RIMS2: variants seen among roughly 807,000 people sequenced by gnomAD.
The protein encoded by RIMS2 is regulating synaptic membrane exocytosis 2.
In RIMS2, 59 loss-of-function variants were observed where a neutral mutation model predicts 174.4. That is an observed-to-expected ratio of 0.34 (90% confidence interval 0.27 to 0.42). RIMS2 has a LOEUF of 0.42. RIMS2 is among the 10% of genes least tolerant of loss of function. RIMS2 has a pLI of 1.00. For synonymous variants in RIMS2, 606 were observed against 572.5 expected (o/e 1.06, Z -0.84); for missense variants, 1,620 against 1,666.3 (o/e 0.97, Z 0.48).
At chr8:104,128,865 A>G (rs549110153) in intron 19 of RIMS2, among the ~76,000 whole-genome samples, 6 of 152,314 alleles carry the variant, frequency 3.9e-5, no homozygotes, top group African/African-American at 1.4e-4. Flanking sequence ...GTGGCTAAAT[A>G]TATTTTACAT....
intron 3 of RIMS2, among the ~76,000 whole-genome samples, chr8:103,826,536 T>C (rs1369131259): frequency 6.6e-6 from 1 of 151,988 alleles, no homozygotes; most frequent in African/African-American, 2.4e-5. Context: ...GAAAATTGAA[T>C]AGTTGTATAA....
intron 19 of RIMS2, among the ~76,000 whole-genome samples, chr8:104,061,666 A>C (rs899732177): frequency 4.7e-5 from 7 of 150,438 alleles, no homozygotes; most frequent in African/African-American, 1.7e-4. Context: ...GTTCTAAGCT[A>C]TGCTACTATT....
intron 19 of RIMS2, among the ~76,000 whole-genome samples, chr8:104,080,766 G>C (rs2097402240): frequency 6.6e-6 from 1 of 151,944 alleles, no homozygotes; most frequent in South Asian, 2.1e-4. Context: ...TAGTTGGAAG[G>C]ATTACAGATA....
At chr8:104,060,976 A>T (rs929278902) in intron 19 of RIMS2, among the ~76,000 whole-genome samples, 5 of 151,748 alleles carry the variant, frequency 3.3e-5, no homozygotes, top group South Asian at 2.1e-4. Context: ...TGCTGAGGAG[A>T]GCTTTACTTC....
intron 1 of RIMS2, among the ~76,000 whole-genome samples, chr8:103,604,212 C>T (rs1167525900): frequency 1.3e-5 from 2 of 151,182 alleles, no homozygotes; most frequent in Non-Finnish European, 3.0e-5. Flanking sequence ...CAGCTTTCTA[C>T]ATATGGCTAG....
chr8:103,612,240 CTCTG>C (rs1416277434), intron 1 of RIMS2, among the ~76,000 whole-genome samples: 2 of 152,198 alleles, frequency 1.3e-5, no homozygotes, highest in African/African-American at 4.8e-5. Flanking sequence ...ATATTGAATT[CTCTG>C]TCTGACAGGT....
chr8:103,624,241 A>G (rs1406702067), intron 1 of RIMS2, among the ~76,000 whole-genome samples: 3 of 152,198 alleles, frequency 2.0e-5, no homozygotes, highest in East Asian at 1.9e-4. Flanking sequence ...TGCCCTGCCA[A>G]TGTGTGTTGC....
exon 4 of RIMS2, chr8:103,885,818 C>A (rs1189692357): frequency 6.2e-7 from 1 of 1,612,736 alleles, no homozygotes; most frequent in Non-Finnish European, 8.5e-7. Flanking sequence ...CATGGAAAAT[C>A]AGCGATCTTA....
At chr8:103,599,748 T>A (rs2094631089) in intron 1 of RIMS2, among the ~76,000 whole-genome samples, 1 of 151,936 alleles carries the variant, frequency 6.6e-6, no homozygotes, top group Non-Finnish European at 1.5e-5. Context: ...CTGTACCTGG[T>A]CATTTTTTTA....
chr8:104,114,105 T>C (rs558534660), intron 19 of RIMS2, among the ~76,000 whole-genome samples: 4 of 152,174 alleles, frequency 2.6e-5, no homozygotes, highest in Non-Finnish European at 4.4e-5. Context: ...GAATTCCTAA[T>C]TTTTGTCAAT....
intron 17 of RIMS2, among the ~76,000 whole-genome samples, chr8:104,009,363 A>C (rs2154553312): frequency 6.6e-6 from 1 of 151,878 alleles, no homozygotes; most frequent in Admixed American, 6.6e-5. Flanking sequence ...GTATGATCAC[A>C]GCTCACTGCA....
At chr8:104,148,561 T>C (rs578085727) in intron 19 of RIMS2, 46 bp from the exon 25 acceptor site, 3 of 1,532,744 alleles carry the variant, frequency 2.0e-6, no homozygotes, top group African/African-American at 1.4e-5. Context: ...TTCTGTCTTT[T>C]CCTTTTTACT....
intron 1 of RIMS2, among the ~76,000 whole-genome samples, chr8:103,633,623 G>C (rs2096001749): frequency 6.6e-6 from 1 of 151,968 alleles, no homozygotes; most frequent in South Asian, 2.1e-4. Context: ...TATGTCTTTG[G>C]ACATCTAGTA....
At chr8:104,033,659 G>A (rs1442534008) in intron 19 of RIMS2, among the ~76,000 whole-genome samples, 1 of 150,376 alleles carries the variant, frequency 6.6e-6, no homozygotes, top group Non-Finnish European at 1.5e-5. Flanking sequence ...CTGTATACTA[G>A]GAAAATTGGT....
At chr8:104,223,709 C>T (rs926984897) in intron 19 of RIMS2, 4 of 1,591,758 alleles carry the variant, frequency 2.5e-6, no homozygotes, top group African/African-American at 2.7e-5. Context: ...GCAGCGCTCC[C>T]AGAGCCGGAG....
intron 1 of RIMS2, among the ~76,000 whole-genome samples, chr8:103,562,748 A>G (rs1453600033): frequency 3.3e-5 from 5 of 152,176 alleles, no homozygotes. Context: ...CCACTGCCCT[A>G]ACAGAGGTTT....
At chr8:103,581,560 G>A (rs957135107) in intron 1 of RIMS2, among the ~76,000 whole-genome samples, 7 of 152,002 alleles carry the variant, frequency 4.6e-5, no homozygotes, top group Non-Finnish European at 7.4e-5. Flanking sequence ...TTTAAGATGC[G>A]GAACAAGACA....
intron 2 of RIMS2, among the ~76,000 whole-genome samples, chr8:103,732,925 C>T (rs1395171558): frequency 2.6e-5 from 4 of 152,110 alleles, no homozygotes; most frequent in Non-Finnish European, 5.9e-5. Flanking sequence ...GGTGCTCTAC[C>T]ACACTGTCAC....
At chr8:103,539,851 C>A (rs1841706620) in intron 1 of RIMS2, among the ~76,000 whole-genome samples, 1 of 152,262 alleles carries the variant, frequency 6.6e-6, no homozygotes, top group Non-Finnish European at 1.5e-5. Flanking sequence ...TGTGCTTGCT[C>A]ACATTCCAGA....
Sources: allele counts gnomAD v4.1 joint callset (sites outside exome capture counted in the v4.1 genomes callset), GRCh38; gene constraint gnomAD v4.1.1; transcripts MANE v1.5; gene names NCBI Gene and HGNC (gene_info 2026-07-23, HGNC 2026-07-21).